The following DIAPH3 variants were observed in gnomAD, a reference collection of about 807,000 sequenced individuals.
DIAPH3 encodes the protein diaphanous related formin 3.
In DIAPH3, 117 loss-of-function variants were observed where a neutral mutation model predicts 144.3. The ratio of observed to expected loss-of-function variants is 0.81; its 90% CI spans 0.70 to 0.95. DIAPH3 has a LOEUF of 0.95. Ranked by LOEUF, DIAPH3 falls within the 40% of genes least tolerant of loss-of-function variation. The pLI is 0.00. For synonymous variants in DIAPH3, 519 were observed against 488.9 expected, an observed-to-expected ratio of 1.06 and a Z score of -0.81; for missense variants, 1,421 against 1,412.7, an observed-to-expected ratio of 1.01 and a Z score of -0.09.
chr13:60,029,074 A>AT (rs1170259804), intron 5 of DIAPH3, among the ~76,000 whole-genome samples: 1 of 147,996 alleles, frequency 6.8e-6, no homozygotes, highest in African/African-American at 2.5e-5. Flanking sequence ...AAAAGGGGGG[A>AT]TTTTTTTTCT....
chr13:60,114,790 G>A (rs1410711611), intron 2 of DIAPH3, among the ~76,000 whole-genome samples: 1 of 151,622 alleles, frequency 6.6e-6, no homozygotes, highest in Non-Finnish European at 1.5e-5. Flanking sequence ...TTATATACAC[G>A]AGAAAAAAAT....
At chr13:59,914,300 T>G (rs1400725424) in intron 19 of DIAPH3, among the ~76,000 whole-genome samples, 1 of 152,220 alleles carries the variant, frequency 6.6e-6, no homozygotes, top group African/African-American at 2.4e-5. Context: ...AATATACTTT[T>G]AAAATTAAGA....
At chr13:59,800,025 T>TGAA (rs34303732) in intron 25 of DIAPH3, among the ~76,000 whole-genome samples, 112,962 of 151,718 alleles carry the variant, frequency 0.74, 42,391 homozygotes, top group East Asian at 0.88. Flanking sequence ...GACTTCTTTT[T>TGAA]GAAGTTTCTA....
intron 9 of DIAPH3, among the ~76,000 whole-genome samples, chr13:60,003,809 T>C (rs894981393): frequency 6.6e-6 from 1 of 152,074 alleles, no homozygotes; most frequent in Non-Finnish European, 1.5e-5. Flanking sequence ...CTCAATCTCC[T>C]GACCTTGTGA....
chr13:59,851,635 CTTTTTTTTTT>C (rs200870976), intron 22 of DIAPH3, among the ~76,000 whole-genome samples: 1 of 112,390 alleles, frequency 8.9e-6, no homozygotes, highest in Non-Finnish European at 1.9e-5. Flanking sequence ...ATAGATGAAT[CTTTTTTTTTT>C]TTTTTTTTTT....
chr13:59,994,643 A>G (rs1345879715), intron 9 of DIAPH3, among the ~76,000 whole-genome samples: 1 of 151,914 alleles, frequency 6.6e-6, no homozygotes, highest in African/African-American at 2.4e-5. Context: ...AGTACTAACT[A>G]AAGGATTAAT....
intron 12 of DIAPH3, among the ~76,000 whole-genome samples, chr13:59,985,560 T>G (rs1426622501): frequency 3.2e-5 from 2 of 63,420 alleles, no homozygotes; most frequent in Admixed American, 4.1e-4. Context: ...ACATGATTGT[T>G]TATCTAGAAA....
At chr13:59,736,393 T>C (rs1246733489) in intron 27 of DIAPH3, among the ~76,000 whole-genome samples, 2 of 152,196 alleles carry the variant, frequency 1.3e-5, no homozygotes, top group Non-Finnish European at 2.9e-5. Context: ...TGAGCTAATT[T>C]ACACTTCCAC....
Position 59,810,122 on chromosome 13 carries a change from GA to G in DIAPH3, c.3163+665del, listed in dbSNP as rs201665745. Among the ~76,000 whole-genome samples, 15 of 148,548 alleles carry G rather than the reference GA, an allele frequency of 1.0e-4. No homozygotes were observed. In the East Asian group the frequency reaches 1.2e-3, roughly 12 times the overall value. ...GACAACAATTTTGTCATGTTTACAAGAAAAAAAAAAGTATCCAAAATGTTCA... is the reference window on the plus strand; with the variant it reads ...GACAACAATTTTGTCATGTTTACAAGAAAAAAAAAGTATCCAAAATGTTCA... On this transcript the variant is annotated intron_variant, in intron 25 of 27. Coordinates refer to ENST00000400324, the MANE Select transcript of DIAPH3 (RefSeq NM_001042517.2).
chr13:59,862,705 C>G (rs979381840), intron 21 of DIAPH3, among the ~76,000 whole-genome samples: 1 of 152,096 alleles, frequency 6.6e-6, no homozygotes, highest in Non-Finnish European at 1.5e-5. Flanking sequence ...ATGTATAGAA[C>G]AGTGCTTTCA....
chr13:60,146,173 G>A (rs1164675853), intron 1 of DIAPH3, among the ~76,000 whole-genome samples: 1 of 152,108 alleles, frequency 6.6e-6, no homozygotes, highest in Admixed American at 6.6e-5. Context: ...CCAGTACTAC[G>A]CATAAGATGT....
intron 4 of DIAPH3, among the ~76,000 whole-genome samples, chr13:60,071,425 T>C (rs543458662): frequency 5.3e-5 from 8 of 152,324 alleles, no homozygotes; most frequent in Non-Finnish European, 1.0e-4. Context: ...CCTTCAGATA[T>C]AGTGGGGAGG....
At chr13:59,688,522 A>G (rs897619580) in intron 27 of DIAPH3, among the ~76,000 whole-genome samples, 2 of 152,098 alleles carry the variant, frequency 1.3e-5, no homozygotes, top group Non-Finnish European at 2.9e-5. Flanking sequence ...ACACAGAGCT[A>G]GGAACCACCA....
At chr13:59,675,572 G>T (rs1294204182) in intron 27 of DIAPH3, among the ~76,000 whole-genome samples, 1 of 152,064 alleles carries the variant, frequency 6.6e-6, no homozygotes, top group Non-Finnish European at 1.5e-5. Context: ...TTTTAGTAGA[G>T]ATGTGGTTTC....
chr13:59,784,495 C>A (rs1224747597), intron 25 of DIAPH3, among the ~76,000 whole-genome samples: 1 of 152,120 alleles, frequency 6.6e-6, no homozygotes, highest in Non-Finnish European at 1.5e-5. Context: ...CATGCTTCAG[C>A]CTTCAGAGTA....
chr13:59,988,755 T>A (rs2051602375), intron 12 of DIAPH3, among the ~76,000 whole-genome samples: 1 of 151,904 alleles, frequency 6.6e-6, no homozygotes, highest in Non-Finnish European at 1.5e-5. Context: ...TGTGGTATTG[T>A]TAACAAATAT....
At chr13:60,011,494 C>T (rs375908956) in intron 7 of DIAPH3, among the ~76,000 whole-genome samples, 2 of 152,126 alleles carry the variant, frequency 1.3e-5, no homozygotes, top group African/African-American at 2.4e-5. Flanking sequence ...ATCCAATATA[C>T]CCCAAATATT....
intron 18 of DIAPH3, among the ~76,000 whole-genome samples, chr13:59,920,358 A>C (rs936183161): frequency 3.3e-5 from 5 of 151,914 alleles, no homozygotes; most frequent in Non-Finnish European, 5.9e-5. Flanking sequence ...AGAAAAAGAT[A>C]TGCCATGCAC....
intron 4 of DIAPH3, among the ~76,000 whole-genome samples, chr13:60,058,014 C>G (rs1363734629): frequency 2.0e-5 from 3 of 151,612 alleles, no homozygotes; most frequent in African/African-American, 7.3e-5. Flanking sequence ...ACCCCAAAAG[C>G]AAATGCAACA....
Sources: allele counts gnomAD v4.1 joint callset (sites outside exome capture counted in the v4.1 genomes callset), GRCh38; gene constraint gnomAD v4.1.1; transcripts MANE v1.5; gene names NCBI Gene and HGNC (gene_info 2026-07-23, HGNC 2026-07-21).